Variants in PALM2AKAP2 observed in about 807,000 individuals in gnomAD.
PALM2AKAP2 encodes PALM2 and AKAP2 fusion, also known as PALM2-AKAP2 fusion protein.
A neutral mutation model predicts 71.5 loss-of-function variants in PALM2AKAP2; 37 were observed. The ratio of observed to expected loss-of-function variants is 0.52; its 90% CI spans 0.40 to 0.68. The LOEUF is 0.68. Ranked by LOEUF, PALM2AKAP2 falls within the 30% of genes least tolerant of loss-of-function variation. The pLI, the probability that PALM2AKAP2 is intolerant of heterozygous loss-of-function variation, is 0.00. For synonymous variants in PALM2AKAP2, 468 were observed against 478.8 expected (o/e 0.98, Z 0.29); for missense variants, 1,224 against 1,191.8 (o/e 1.03, Z -0.40).
At chr9:110,121,330 A>AG (rs1044270733) in intron 1 of PALM2AKAP2, among the ~76,000 whole-genome samples, 7 of 152,230 alleles carry the variant, frequency 4.6e-5, no homozygotes, top group African/African-American at 1.7e-4. Context: ...CGGGGCTTGG[A>AG]GGAGGAACCT....
At chr9:109,778,230 T>C (rs1290093715), upstream of PALM2AKAP2, among the ~76,000 whole-genome samples, 2 of 152,232 alleles carry the variant, frequency 1.3e-5, no homozygotes, top group African/African-American at 2.4e-5. Flanking sequence ...TATCTCCATA[T>C]CATTGGCCAA....
At chr9:109,876,555 C>T (rs561881835) in intron 2 of PALM2AKAP2, among the ~76,000 whole-genome samples, 1 of 152,304 alleles carries the variant, frequency 6.6e-6, no homozygotes, top group East Asian at 1.9e-4. Context: ...CTTCGGCTCA[C>T]TGCAACATCT....
intron 7 of PALM2AKAP2, among the ~76,000 whole-genome samples, chr9:110,023,330 TTGAGATG>T (rs1833110244): frequency 9.2e-6 from 1 of 108,492 alleles, no homozygotes; most frequent in African/African-American, 3.2e-5. Context: ...TTTTTTTTTT[TTGAGATG>T]GAGTTTCGCT....
At chr9:109,930,750 G>A (rs1033461639) in intron 5 of PALM2AKAP2, among the ~76,000 whole-genome samples, 16 of 152,194 alleles carry the variant, frequency 1.1e-4, no homozygotes, top group African/African-American at 3.9e-4. Context: ...CAGAGGAGGG[G>A]TCAGTGATGA....
At chr9:110,101,078 T>C (rs986166336) in intron 1 of PALM2AKAP2, among the ~76,000 whole-genome samples, 1 of 152,180 alleles carries the variant, frequency 6.6e-6, no homozygotes, top group Non-Finnish European at 1.5e-5. Flanking sequence ...TTGAAGCCCT[T>C]GAGAGCTTCT....
intron 6 of PALM2AKAP2, among the ~76,000 whole-genome samples, chr9:109,960,544 G>A: frequency 6.6e-6 from 1 of 152,180 alleles, no homozygotes; most frequent in Non-Finnish European, 1.5e-5. Context: ...ACAGGAGGCT[G>A]AGGCAGGAGG....
chr9:109,797,819 A>G (rs989824667), intron 1 of PALM2AKAP2, among the ~76,000 whole-genome samples: 4 of 152,356 alleles, frequency 2.6e-5, no homozygotes, highest in African/African-American at 9.6e-5. Context: ...GAGTTGGGTT[A>G]GTATCTGTGG....
chr9:109,833,333 C>T (rs953951483), intron 1 of PALM2AKAP2, among the ~76,000 whole-genome samples: 8 of 152,028 alleles, frequency 5.3e-5, no homozygotes, highest in African/African-American at 1.7e-4. Flanking sequence ...CCAGCCTGGG[C>T]GACAGAGTGA....
At chr9:109,834,511 G>A (rs1482685191) in intron 1 of PALM2AKAP2, among the ~76,000 whole-genome samples, 1 of 152,278 alleles carries the variant, frequency 6.6e-6, no homozygotes, top group East Asian at 1.9e-4. Context: ...AAGTTGTGTG[G>A]AGTCTGAGGC....
intron 1 of PALM2AKAP2, among the ~76,000 whole-genome samples, chr9:109,805,087 C>T (rs889620553): frequency 6.6e-6 from 1 of 152,270 alleles, no homozygotes; most frequent in South Asian, 2.1e-4. Context: ...GTACATTTGG[C>T]TGCAAGTGCC....
At chr9:109,949,143 C>T (rs544419682) in intron 6 of PALM2AKAP2, among the ~76,000 whole-genome samples, 25 of 152,362 alleles carry the variant, frequency 1.6e-4, no homozygotes, top group African/African-American at 5.8e-4. Context: ...CGTCTACCAA[C>T]CAAACACGTA....
chr9:110,144,352 T>G (rs965019740), intron 2 of PALM2AKAP2, among the ~76,000 whole-genome samples: 5 of 152,260 alleles, frequency 3.3e-5, no homozygotes, highest in African/African-American at 1.2e-4. Context: ...ATGGTTATTG[T>G]CCACCACCAT....
At chr9:109,748,464 G>T (rs903332659) in intron 1 of PALM2AKAP2, among the ~76,000 whole-genome samples, 1 of 152,156 alleles carries the variant, frequency 6.6e-6, no homozygotes, top group African/African-American at 2.4e-5. Context: ...GATAACATGG[G>T]TCAGGAGTCT....
intron 1 of PALM2AKAP2, among the ~76,000 whole-genome samples, chr9:109,802,003 A>G (rs1289849438): frequency 6.6e-6 from 1 of 152,214 alleles, no homozygotes; most frequent in Non-Finnish European, 1.5e-5. Flanking sequence ...GCTGGACACA[A>G]AATGCCATTG....
chr9:109,908,038 T>G (rs1040755076), intron 3 of PALM2AKAP2, among the ~76,000 whole-genome samples: 2 of 152,262 alleles, frequency 1.3e-5, no homozygotes, highest in Non-Finnish European at 2.9e-5. Context: ...AAATCCATGC[T>G]GTAGGTGACC....
intron 3 of PALM2AKAP2, among the ~76,000 whole-genome samples, chr9:109,899,315 A>G (rs1830277145): frequency 6.6e-6 from 1 of 152,092 alleles, no homozygotes; most frequent in Non-Finnish European, 1.5e-5. Context: ...ACCCTTTCAA[A>G]TCCTCTATCT....
rs554376010 is a variant in PALM2AKAP2, at chr9:109,673,784, T to C, written c.5+32918T>C. Among the ~76,000 whole-genome samples, 3 of 152,274 alleles carry C rather than the reference T, an allele frequency of 2.0e-5. No individual in the cohort carries two copies. In the South Asian group the frequency reaches 6.2e-4, roughly 32 times the overall value. The stretch of plus-strand genomic sequence containing the variant: ...TGCTTCATAAATCTGAGTGCTCTTG[T>C]GTTGGGTGAATATATATTTAAAATA... On this transcript the variant is annotated intron_variant, in intron 1 of 6. Transcript: ENST00000374531.
chr9:109,958,618 GGAAGGAAGAAA>G (rs1354174905), intron 6 of PALM2AKAP2, among the ~76,000 whole-genome samples: 1 of 151,008 alleles, frequency 6.6e-6, no homozygotes, highest in Non-Finnish European at 1.5e-5. Context: ...CGAGAGAAAA[GGAAGGAAGAAA>G]GAAGGAAGGA....
intron 6 of PALM2AKAP2, among the ~76,000 whole-genome samples, chr9:109,990,050 T>C (rs1832447533): frequency 6.6e-6 from 1 of 151,294 alleles, no homozygotes; most frequent in Non-Finnish European, 1.5e-5. Context: ...AGTCACTGTT[T>C]TCTTTTTTCT....
Sources: allele counts gnomAD v4.1 joint callset (sites outside exome capture counted in the v4.1 genomes callset), GRCh38; gene constraint gnomAD v4.1.1; transcripts MANE v1.5; gene names NCBI Gene and HGNC (gene_info 2026-07-23, HGNC 2026-07-21).